Variants in DNAH5 observed in about 807,000 individuals in gnomAD.
The protein encoded by DNAH5 is axonemal beta dynein heavy chain 5.
In DNAH5, 372 loss-of-function variants were observed where a neutral mutation model predicts 518.2. The observed-to-expected ratio is 0.72, with a 90% CI of 0.66 to 0.78. DNAH5 has a LOEUF of 0.78. DNAH5 is among the 30% of genes least tolerant of loss of function. The pLI is 0.00. For synonymous variants in DNAH5, 2,039 were observed against 2,025.9 expected, an observed-to-expected ratio of 1.01 and a Z score of -0.17; for missense variants, 5,523 against 5,687.0, an observed-to-expected ratio of 0.97 and a Z score of 0.93.
At chr5:13,692,839 C>G (rs951445519) in intron 78 of DNAH5, among the ~76,000 whole-genome samples, 1 of 152,198 alleles carries the variant, frequency 6.6e-6, no homozygotes, top group African/African-American at 2.4e-5. Flanking sequence ...CCACATGCTC[C>G]CTTTCTCTCC....
At position 13,727,435 on chromosome 5, in the gene DNAH5, T is replaced by C. The variant is rs1253217053; in HGVS notation, c.12033+72A>G. ...CTCACTGGAATTCACATTTAAAATA[T>C]TTTTTTTAATTTAAAAGAAAATTCT... On this transcript the variant is annotated intron_variant, in intron 70 of 78. Transcript: ENST00000265104. 10 of 1,311,686 alleles carry C rather than the reference T, an allele frequency of 7.6e-6. No homozygotes were observed. The East Asian group carries it at 2.6e-4, about 34-fold the overall frequency. The allele number at this position is 1,311,686 out of a possible 1,614,324, so 81.3% of individuals were successfully genotyped here. A position where few individuals can be genotyped will look rare whatever the true frequency, so the allele number is the denominator to read the frequency against.
intron 17 of DNAH5, among the ~76,000 whole-genome samples, chr5:13,886,479 G>C (rs560109417): frequency 8.5e-5 from 13 of 152,220 alleles, no homozygotes; most frequent in African/African-American, 2.9e-4. Flanking sequence ...CCTTGTTTTT[G>C]CCAACAAACC....
chr5:13,788,365 T>C (rs1457706311), intron 51 of DNAH5, among the ~76,000 whole-genome samples: 1 of 152,014 alleles, frequency 6.6e-6, no homozygotes, highest in Non-Finnish European at 1.5e-5. Flanking sequence ...ATGAATGAGG[T>C]TCAAGAGAGT....
chr5:13,810,187 G>A lies in DNAH5; in HGVS notation c.7481C>T (p.Ala2494Val), dbSNP rs1428862297. Residue 2494 changes from alanine to valine, a missense_variant, in exon 45 of 79, where the codon GCG (alanine) becomes GTG (valine). Transcript: ENST00000265104. ...FVFALLWSAG[A>V]ALELDGRRRL... ...GCGCCGTCCGTCCAGCTCCAGCGCC[G>A]CCCCCGCGCTCCACAGCAGCGCGAA... The A allele has an allele frequency of 2.2e-5, 34 of 1,548,914 alleles. No homozygotes were observed. Among genetic ancestry groups the A allele is most frequent in the Non-Finnish European group, 3.0e-5 (34 of 1,146,058 alleles).
rs1252047234 is a variant in DNAH5, at chr5:13,809,086, CACATTGTCA to C, written c.7701_7709del (p.Asp2568_Val2570del). The C allele has an allele frequency of 6.2e-7, 1 of 1,614,204 alleles. No homozygotes were observed. The highest frequency in any genetic ancestry group is 1.1e-5 in the South Asian group (1 of 91,088). On this transcript the variant is annotated inframe_deletion, in exon 46 of 79. Coordinates refer to ENST00000265104, the MANE Select transcript of DNAH5 (RefSeq NM_001369.3). ...TGGTTTGAATTAGAAAGTCAGTCCT[CACATTGTCA>C]ACATTTGGCACCAGAATAGAACCAT...
chr5:13,735,575 T>C (rs1747276592), intron 67 of DNAH5, among the ~76,000 whole-genome samples: 1 of 152,230 alleles, frequency 6.6e-6, no homozygotes, highest in African/African-American at 2.4e-5. Flanking sequence ...GGGAATTTTC[T>C]TGTTTAACAG....
chr5:13,768,299 CT>C (rs1433457661), intron 58 of DNAH5, among the ~76,000 whole-genome samples: 1 of 152,132 alleles, frequency 6.6e-6, no homozygotes, highest in East Asian at 1.9e-4. Flanking sequence ...GCAGTTTCCC[CT>C]GATCTCTCTC....
In DNAH5 at chr5:13,793,971, C is replaced by T. The variant is rs767554026; in HGVS notation, c.7975G>A (p.Val2659Met). 2 of 1,613,900 alleles carry T rather than the reference C, an allele frequency of 1.2e-6. No homozygotes were observed. Among genetic ancestry groups the T allele is most frequent in the Non-Finnish European group, 8.5e-7 (1 of 1,179,938 alleles). ...GKKMTVFIDDVNMPIINEWGD... is the reference protein window; with the variant it reads ...GKKMTVFIDDMNMPIINEWGD... ...CACTCATTGATTATTGGCATATTCA[C>T]ATCATCAATAAAAACAGTCATCTTC... Residue 2659 changes from valine to methionine, a missense_variant, in exon 48 of 79, where the codon GTG (valine) becomes ATG (methionine). Around this residue, in one of 3 missense-constraint regions of DNAH5, gnomAD observed 5,121 missense variants for 5,223.3 expected, o/e 0.98. Coordinates refer to ENST00000265104, the MANE Select transcript of DNAH5 (RefSeq NM_001369.3).
At chr5:13,992,452 C>T (rs979766036) in intron 1 of DNAH5, among the ~76,000 whole-genome samples, 2 of 152,222 alleles carry the variant, frequency 1.3e-5, no homozygotes, top group African/African-American at 2.4e-5. Context: ...GTCATTTGTA[C>T]CTAATTTTGC....
intron 51 of DNAH5, among the ~76,000 whole-genome samples, chr5:13,788,256 C>A (rs1237531070): frequency 6.6e-6 from 1 of 152,196 alleles, no homozygotes; most frequent in Non-Finnish European, 1.5e-5. Flanking sequence ...TTTCATTTAG[C>A]AGTGACTACA....
chr5:13,744,013 C>T (rs1748987278), intron 65 of DNAH5, among the ~76,000 whole-genome samples: 2 of 151,942 alleles, frequency 1.3e-5, no homozygotes, highest in Admixed American at 1.3e-4. Flanking sequence ...ATCAGTGTAT[C>T]GAAGGCATGT....
At position 13,830,113 on chromosome 5, in the gene DNAH5, T is replaced by G. The variant is rs913362638; in HGVS notation, c.6162A>C (p.Thr2054=). The change falls in exon 37 of 79, where the codon ACA becomes ACC. Residue 2054 remains threonine, a synonymous_variant. Transcript: ENST00000265104. ...AAGACTTTTTGTGCTCCTTTTTACA[T>G]GTCAGAATAATGGAAATTTGCTGGG... ...VAAQQISIIL[T]CKKEHKKSFI... The G allele has an allele frequency of 1.1e-5, 17 of 1,613,898 alleles. No individual in the cohort carries two copies. The highest frequency in any genetic ancestry group is 1.4e-5 in the Non-Finnish European group (16 of 1,179,894).
Position 13,870,508 on chromosome 5 carries a change from G to GAGCACTCACCTTTGA in DNAH5, c.3834+258_3834+259insTCAAAGGTGAGTGCT. Among the ~76,000 whole-genome samples, 2 of 152,068 alleles carry GAGCACTCACCTTTGA rather than the reference G, an allele frequency of 1.3e-5. 1 individual carries two copies. The highest frequency in any genetic ancestry group is 2.9e-5 in the Non-Finnish European group (2 of 67,972). ...CTGATTCCCTCGCCCCTCTTCTTTG[G>GAGCACTCACCTTTGA]TGAGCACTCACCAATAAATCATTTG... On this transcript the variant is annotated intron_variant, in intron 24 of 78. Coordinates refer to ENST00000265104, the MANE Select transcript of DNAH5 (RefSeq NM_001369.3).
chr5:13,894,812 C>T lies in DNAH5; in HGVS notation c.2269G>A (p.Ala757Thr), dbSNP rs1340810369. The change falls in exon 16 of 79, where the codon GCT becomes ACT. Residue 757 changes from alanine to threonine, a missense_variant. Physicochemically the swap from Ala to Thr is moderately conservative, Grantham distance 58. This residue lies in a region of DNAH5 where 5,121 missense variants were observed against 5,223.3 expected (regional missense o/e 0.98). Coordinates refer to ENST00000265104, the MANE Select transcript of DNAH5 (RefSeq NM_001369.3). ...RNFSNMKMML[A>T]EYQRVKSKIP... ...TTTGACTTCACTCTCTGATATTCAG[C>T]TAGCATCATCTGCAATGAAATTGGG... is the stretch of plus-strand genomic sequence containing the variant. 1.2e-6 allele frequency: 2 copies of T among 1,613,596 alleles called. No individual in the cohort carries two copies. Among genetic ancestry groups the T allele is most frequent in the African/African-American group, 1.3e-5 (1 of 75,044 alleles).
At chr5:13,801,497 G>C (rs141104971) in intron 47 of DNAH5, among the ~76,000 whole-genome samples, 4 of 152,284 alleles carry the variant, frequency 2.6e-5, no homozygotes, top group African/African-American at 9.6e-5. Context: ...CCAATCACAA[G>C]TTCTGGTAGT....
chr5:13,814,848 T>C lies in DNAH5; in HGVS notation c.6989-2A>G. ...CAAGAATTATCCAGATATGTTCCCCTAGAATACCCCACCAAAGGGAAAAAA... is the reference window on the plus strand; with the variant it reads ...CAAGAATTATCCAGATATGTTCCCCCAGAATACCCCACCAAAGGGAAAAAA... On this transcript the variant is annotated splice_acceptor_variant, in intron 42 of 78. Coordinates refer to ENST00000265104, the MANE Select transcript of DNAH5 (RefSeq NM_001369.3). LOFTEE classifies it high-confidence loss of function. 2 of 1,613,322 alleles carry C rather than the reference T, an allele frequency of 1.2e-6. No homozygotes were observed. Among genetic ancestry groups the C allele is most frequent in the Non-Finnish European group, 1.7e-6 (2 of 1,179,830 alleles).
At position 13,792,145 on chromosome 5, in the gene DNAH5, A is replaced by T. The variant is rs1757100289; in HGVS notation, c.8297T>A (p.Leu2766Ter). ...SEEVRDSVTK[L>*]VPLTRRLWQM... Reference sequence around the variant, plus strand: ...CCATAGTCGGCGTGTCAGAGGCACCAATTTTGTCACAGAATCTCTCACTTC... The same window carrying T: ...CCATAGTCGGCGTGTCAGAGGCACCTATTTTGTCACAGAATCTCTCACTTC... Residue 2766 changes from leucine to a stop codon, truncating the protein, a stop_gained, in exon 50 of 79, where the codon TTG (leucine) becomes TAG (stop). Transcript: ENST00000265104. LOFTEE classifies it high-confidence loss of function. The T allele has an allele frequency of 1.2e-6, 2 of 1,613,908 alleles. No homozygotes were observed. The highest frequency in any genetic ancestry group is 1.3e-5 in the African/African-American group (1 of 74,912).
Position 13,972,297 on chromosome 5 carries a change from G to A in DNAH5, c.12+39351C>T, listed in dbSNP as rs555186125. 6.0e-4 allele frequency among the ~76,000 whole-genome samples: 91 copies of A among 152,246 alleles called. 1 individual carries two copies. The highest frequency in any genetic ancestry group is 2.1e-3 in the African/African-American group (88 of 41,538). ...CAGGTTCCATGCCTCCCCACCTGGC[G>A]CAGTTTCTATGCTCATAGCTACACT... On this transcript the variant is annotated intron_variant, in intron 1 of 78. Transcript: ENST00000681290.
At chr5:13,705,189 T>G (rs1742624508) in intron 76 of DNAH5, among the ~76,000 whole-genome samples, 1 of 151,690 alleles carries the variant, frequency 6.6e-6, no homozygotes. Flanking sequence ...AGAGACGGGG[T>G]TTCACCGTGC....
Sources: allele counts gnomAD v4.1 joint callset (sites outside exome capture counted in the v4.1 genomes callset), GRCh38; gene constraint gnomAD v4.1.1; regional missense constraint gnomAD v4.1.1; transcripts MANE v1.5; gene names NCBI Gene and HGNC (gene_info 2026-07-23, HGNC 2026-07-21).